The following CNTN5 variants were observed in gnomAD, a reference collection of about 807,000 sequenced individuals.
The protein encoded by CNTN5 is contactin 5, also known as contactin-5.
Under a neutral mutation model 129.1 loss-of-function variants are expected in CNTN5, and 77 were observed. The observed-to-expected ratio is 0.60, with a 90% CI of 0.50 to 0.72. The LOEUF (loss-of-function observed/expected upper bound fraction) is 0.72. Among genes scored for constraint, CNTN5 ranks in the 30% least tolerant of loss-of-function variants. CNTN5 has a pLI of 0.00. For missense variants in CNTN5, 1,478 were observed against 1,328.8 expected, an observed-to-expected ratio of 1.11 and a Z score of -1.75; for synonymous variants, 509 against 465.6, an observed-to-expected ratio of 1.09 and a Z score of -1.20.
intron 2 of CNTN5, among the ~76,000 whole-genome samples, chr11:99,483,052 A>T (rs11607851): frequency 2.6e-5 from 4 of 151,526 alleles, no homozygotes; most frequent in Non-Finnish European, 5.9e-5. Context: ...GGCCCGTGCC[A>T]GTAGTCCCAG....
intron 1 of CNTN5, among the ~76,000 whole-genome samples, chr11:99,042,323 C>A (rs1019645558): frequency 2.0e-5 from 3 of 147,854 alleles, no homozygotes; most frequent in African/African-American, 7.4e-5. Flanking sequence ...ACCTATGCAA[C>A]AAACCTGCAC....
chr11:100,304,795 C>T (rs1951310310), intron 20 of CNTN5, among the ~76,000 whole-genome samples: 1 of 150,950 alleles, frequency 6.6e-6, no homozygotes, highest in African/African-American at 2.4e-5. Context: ...GAGTAAGTAG[C>T]TTAACCTCTC....
intron 1 of CNTN5, among the ~76,000 whole-genome samples, chr11:99,187,693 T>C (rs1288282067): frequency 6.6e-6 from 1 of 151,896 alleles, no homozygotes; most frequent in Non-Finnish European, 1.5e-5. Context: ...TACACAACTT[T>C]TGTCATTATG....
At chr11:99,649,417 T>C (rs115650688) in intron 3 of CNTN5, among the ~76,000 whole-genome samples, 1,778 of 151,844 alleles carry the variant, frequency 0.012, 35 homozygotes, top group African/African-American at 0.04. Flanking sequence ...TCAGAATTTA[T>C]TGGCTATCAT....
chr11:99,309,975 A>G (rs1865041653), intron 1 of CNTN5, among the ~76,000 whole-genome samples: 2 of 152,194 alleles, frequency 1.3e-5, no homozygotes, highest in Non-Finnish European at 2.9e-5. Flanking sequence ...TAAAATTTTC[A>G]TTTATATTAT....
At chr11:99,799,668 G>A (rs1946054018) in intron 3 of CNTN5, among the ~76,000 whole-genome samples, 1 of 151,988 alleles carries the variant, frequency 6.6e-6, no homozygotes, top group African/African-American at 2.4e-5. Context: ...GAGGATTTTT[G>A]CATATATGTT....
intron 6 of CNTN5, among the ~76,000 whole-genome samples, chr11:99,889,335 TGTG>T (rs1180076591): frequency 7.3e-5 from 10 of 136,318 alleles, no homozygotes; most frequent in African/African-American, 2.6e-4. Context: ...TGTGTGTGTG[TGTG>T]TGTGTGTGTG....
intron 1 of CNTN5, among the ~76,000 whole-genome samples, chr11:99,168,738 C>T (rs965211494): frequency 3.3e-5 from 5 of 152,108 alleles, no homozygotes; most frequent in African/African-American, 1.2e-4. Flanking sequence ...ATCAAACAAA[C>T]ATTAAGGCAA....
chr11:100,200,283 T>C (rs1336301981), intron 15 of CNTN5, among the ~76,000 whole-genome samples: 2 of 151,922 alleles, frequency 1.3e-5, no homozygotes, highest in African/African-American at 2.4e-5. Flanking sequence ...GTCTCTTCAC[T>C]TTCTGTAGAT....
chr11:99,260,975 C>T (rs1178754393), intron 1 of CNTN5, among the ~76,000 whole-genome samples: 1 of 151,808 alleles, frequency 6.6e-6, no homozygotes. Flanking sequence ...CTTGGAGCTA[C>T]TTGTGATGAA....
At chr11:99,322,936 T>G (rs72983716) in intron 1 of CNTN5, among the ~76,000 whole-genome samples, 2 of 152,154 alleles carry the variant, frequency 1.3e-5, no homozygotes, top group African/African-American at 4.8e-5. Flanking sequence ...TGACCTATGG[T>G]GTGTGAAGCA....
intron 7 of CNTN5, among the ~76,000 whole-genome samples, chr11:99,923,535 C>A (rs899801886): frequency 2.2e-4 from 33 of 152,076 alleles, no homozygotes; most frequent in African/African-American, 7.2e-4. Context: ...TTATTATGTA[C>A]AGAAATATTC....
intron 6 of CNTN5, among the ~76,000 whole-genome samples, chr11:99,895,360 T>C (rs1049023733): frequency 2.0e-5 from 3 of 152,206 alleles, no homozygotes. Context: ...CCCTATCTGG[T>C]GGCAAATGTC....
chr11:99,790,236 A>G (rs745332826), intron 3 of CNTN5, among the ~76,000 whole-genome samples: 1 of 151,990 alleles, frequency 6.6e-6, no homozygotes, highest in Non-Finnish European at 1.5e-5. Flanking sequence ...GTAGAAGTAA[A>G]TTGTGTTTCA....
intron 1 of CNTN5, among the ~76,000 whole-genome samples, chr11:99,212,781 A>C (rs1205435259): frequency 1.3e-5 from 2 of 152,218 alleles, no homozygotes; most frequent in African/African-American, 4.8e-5. Flanking sequence ...CAGAATGATC[A>C]TGCTGCAAAT....
intron 3 of CNTN5, among the ~76,000 whole-genome samples, chr11:99,785,480 G>A (rs527541620): frequency 2.0e-5 from 3 of 151,986 alleles, no homozygotes; most frequent in Non-Finnish European, 4.4e-5. Flanking sequence ...TTGCCCATGC[G>A]TATGTCCTGA....
chr11:100,105,125 G>A (rs754415431), intron 13 of CNTN5, among the ~76,000 whole-genome samples: 2 of 152,126 alleles, frequency 1.3e-5, no homozygotes, highest in African/African-American at 2.4e-5. Context: ...ACTAATGTTC[G>A]AGGCTTAACT....
At chr11:99,409,422 C>T (rs969288052) in intron 2 of CNTN5, among the ~76,000 whole-genome samples, 2 of 152,202 alleles carry the variant, frequency 1.3e-5, no homozygotes. Flanking sequence ...AAGCAAAGCC[C>T]GTGCTACTGC....
At chr11:99,282,476 T>A (rs1200864059) in intron 1 of CNTN5, among the ~76,000 whole-genome samples, 5 of 151,940 alleles carry the variant, frequency 3.3e-5, no homozygotes, top group African/African-American at 1.2e-4. Flanking sequence ...GTAAAGGAAA[T>A]CTTGAGCAAA....
Sources: allele counts gnomAD v4.1 joint callset (sites outside exome capture counted in the v4.1 genomes callset), GRCh38; gene constraint gnomAD v4.1.1; transcripts MANE v1.5; gene names NCBI Gene and HGNC (gene_info 2026-07-23, HGNC 2026-07-21).